The following WAPL variants were observed in gnomAD, a reference collection of about 807,000 sequenced individuals.
The protein encoded by WAPL is wings apart-like protein homolog.
Under a neutral mutation model 121.0 loss-of-function variants are expected in WAPL, and 5 were observed. The ratio of observed to expected loss-of-function variants is 0.04; its 90% confidence interval spans 0.02 to 0.09. The LOEUF (loss-of-function observed/expected upper bound fraction) is 0.09, where lower values mean the gene tolerates loss of function less well. WAPL is among the 10% of genes least tolerant of loss of function. WAPL has a pLI of 1.00. For synonymous variants in WAPL, 480 were observed against 481.5 expected (o/e 1.00, Z 0.04); for missense variants, 999 against 1,410.8 (o/e 0.71, Z 4.68).
At chr10:86,504,096 C>T (rs930991068) in intron 2 of WAPL, among the ~76,000 whole-genome samples, 2 of 152,082 alleles carry the variant, frequency 1.3e-5, no homozygotes, top group Admixed American at 1.3e-4. Context: ...ATTGTTTGAA[C>T]CCAGGAGGCA....
rs1849305887 is a variant in WAPL at position 86,435,780 on chromosome 10, C to T, written c.*1763G>A. On this transcript the variant is annotated 3_prime_UTR_variant, in exon 19 of 19. Coordinates refer to ENST00000298767, the MANE Select transcript of WAPL (RefSeq NM_015045.5). ...TCCAAATGTTTTATAATATTCCTTA[C>T]CATCTGCCACAAGTCAGGTTCACCA... 6.6e-6 allele frequency: 1 copy of T among 152,362 alleles called. No homozygotes were observed. The highest frequency in any genetic ancestry group is 1.9e-4 in the East Asian group (1 of 5,204). The allele number at this position is 152,362 out of a possible 1,614,324, so 9.4% of individuals were successfully genotyped here.
chr10:86,517,201 A>T (rs911050653), intron 2 of WAPL, among the ~76,000 whole-genome samples: 88 of 152,326 alleles, frequency 5.8e-4, no homozygotes, highest in African/African-American at 2.1e-3. Flanking sequence ...ACTAATCCTC[A>T]TTTTAAATAC....
rs1316135136 is a variant in WAPL, at chr10:86,436,944, C to T, written c.*599G>A. ...GAATAAAAAAATATACTATTAATCC[C>T]GTGTATCTTTGGATTCCATCTAATT... On this transcript the variant is annotated 3_prime_UTR_variant, in exon 19 of 19. Transcript: ENST00000298767. 2.6e-5 allele frequency: 4 copies of T among 152,540 alleles called. No individual in the cohort carries two copies. The highest frequency in any genetic ancestry group is 9.7e-5 in the African/African-American group (4 of 41,412). 9.4% of individuals were successfully genotyped at this position (152,540 alleles called of 1,614,324 possible).
chr10:86,487,018 T>C (rs1841942999), intron 4 of WAPL, among the ~76,000 whole-genome samples: 1 of 152,042 alleles, frequency 6.6e-6, no homozygotes, highest in Non-Finnish European at 1.5e-5. Context: ...ATTGACGTTA[T>C]GGTTAGTTTC....
chr10:86,446,494 T>C (rs774919521), intron 15 of WAPL, 45 bp from the exon 16 acceptor site: 4 of 1,557,630 alleles, frequency 2.6e-6, no homozygotes, highest in Non-Finnish European at 8.8e-7. Flanking sequence ...AGATTGCCAA[T>C]CAATATGCAT....
rs962704948 is a variant in WAPL at position 86,467,211 on chromosome 10, C to A, written c.2370+68G>T. 26 of 1,419,462 alleles carry A rather than the reference C, an allele frequency of 1.8e-5. No individual in the cohort carries two copies. In the African/African-American group the frequency reaches 2.3e-4, roughly 12 times the overall value. The allele number at this position is 1,419,462 out of a possible 1,614,324, so 87.9% of individuals were successfully genotyped here. Reference sequence around the variant, plus strand: ...AAATAATTTGCCCACAGTCACACAGCTACTGCAACTAACCAAAGACTTTCT... The same window carrying A: ...AAATAATTTGCCCACAGTCACACAGATACTGCAACTAACCAAAGACTTTCT... On this transcript the variant is annotated intron_variant, in intron 9 of 18. Coordinates refer to ENST00000298767, the MANE Select transcript of WAPL (RefSeq NM_015045.5).
At chr10:86,507,769 A>C (rs996971389) in intron 2 of WAPL, among the ~76,000 whole-genome samples, 8 of 151,582 alleles carry the variant, frequency 5.3e-5, no homozygotes, top group Non-Finnish European at 1.0e-4. Context: ...TGCTTGTGCC[A>C]GTACTCCCAT....
At chr10:86,477,107 G>C (rs1841674819) in intron 4 of WAPL, among the ~76,000 whole-genome samples, 2 of 152,100 alleles carry the variant, frequency 1.3e-5, no homozygotes, top group African/African-American at 4.8e-5. Context: ...GTTTATTATG[G>C]GAGGAGAGAT....
intron 14 of WAPL, 109 bp from the exon 15 acceptor site, chr10:86,452,240 A>C: frequency 9.5e-7 from 1 of 1,052,274 alleles, no homozygotes; most frequent in Non-Finnish European, 1.3e-6. Flanking sequence ...TCAGTGTTCT[A>C]CCACCTACAA....
chr10:86,521,513 A>C lies in WAPL; in HGVS notation c.-171T>G, dbSNP rs368322020. The C allele has an allele frequency of 1.1e-4, 38 of 359,980 alleles. No homozygotes were observed. The East Asian group carries it at 3.1e-3, about 29-fold the overall frequency. The allele number at this position is 359,980 out of a possible 1,614,324, so 22.3% of individuals were successfully genotyped here. On this transcript the variant is annotated 5_prime_UTR_variant, in exon 1 of 19. Transcript: ENST00000298767. ...GCGAGGGACTCTGCTTTCGGTAAAT[A>C]GGAAGCCCGGTTGGGGGGGCAGGAG...
chr10:86,490,929 GGT>G (rs2132212665), intron 4 of WAPL, among the ~76,000 whole-genome samples: 1 of 151,536 alleles, frequency 6.6e-6, no homozygotes, highest in South Asian at 2.1e-4. Context: ...TGGGCATGGT[GGT>G]GCATGCCTGT....
At chr10:86,488,401 G>A (rs2132210170) in intron 4 of WAPL, 1 of 152,340 alleles carries the variant, frequency 6.6e-6, no homozygotes, top group Non-Finnish European at 1.5e-5. Flanking sequence ...CTCCAGGACT[G>A]GGAAAGTATA....
At chr10:86,443,643 G>A in intron 16 of WAPL, 1 of 340,610 alleles carries the variant, frequency 2.9e-6, no homozygotes, top group Non-Finnish European at 5.4e-6. Context: ...AAATATATTT[G>A]CAAATCATGA....
intron 4 of WAPL, among the ~76,000 whole-genome samples, chr10:86,489,363 A>G (rs1436545998): frequency 2.6e-5 from 4 of 152,244 alleles, no homozygotes; most frequent in Non-Finnish European, 5.9e-5. Context: ...ACAATGGATT[A>G]CATCAATGTT....
intron 9 of WAPL, among the ~76,000 whole-genome samples, chr10:86,465,102 G>C (rs1397240476): frequency 1.3e-5 from 2 of 152,206 alleles, no homozygotes; most frequent in African/African-American, 4.8e-5. Flanking sequence ...CATCTGGCTA[G>C]CACAAAGCAT....
At chr10:86,471,245 T>C (rs1841527141) in intron 7 of WAPL, 142 bp from the exon 8 acceptor site, 16 of 555,616 alleles carry the variant, frequency 2.9e-5, no homozygotes, top group African/African-American at 1.1e-4. Flanking sequence ...ATAAAAACCA[T>C]AGGCAAAACA....
intron 4 of WAPL, among the ~76,000 whole-genome samples, chr10:86,479,316 G>A (rs996658394): frequency 4.6e-5 from 7 of 152,170 alleles, no homozygotes; most frequent in African/African-American, 1.7e-4. Context: ...GGAGTGCAAT[G>A]GTGTGATTTC....
intron 4 of WAPL, among the ~76,000 whole-genome samples, chr10:86,480,413 T>G (rs897669001): frequency 6.6e-6 from 1 of 152,144 alleles, no homozygotes; most frequent in Admixed American, 6.6e-5. Flanking sequence ...AAAAAGTCCA[T>G]GCAAAAAACC....
At chr10:86,460,035 C>G (rs1841233789) in intron 11 of WAPL, among the ~76,000 whole-genome samples, 1 of 152,162 alleles carries the variant, frequency 6.6e-6, no homozygotes, top group Non-Finnish European at 1.5e-5. Context: ...ATTGCTTGAA[C>G]CCGGGAAGCA....
Sources: allele counts gnomAD v4.1 joint callset (sites outside exome capture counted in the v4.1 genomes callset), GRCh38; gene constraint gnomAD v4.1.1; transcripts MANE v1.5; gene names NCBI Gene and HGNC (gene_info 2026-07-23, HGNC 2026-07-21).